Variants in DAZAP1 observed in about 807,000 individuals in gnomAD.
DAZAP1 encodes the protein DAZ associated protein 1.
DAZAP1 carries 6 observed loss-of-function variants against 60.1 expected under a neutral mutation model. That is an observed-to-expected ratio of 0.10 (90% CI 0.05 to 0.20). DAZAP1 has a LOEUF of 0.20. DAZAP1 is among the 10% of genes least tolerant of loss of function. DAZAP1 has a pLI of 1.00. For synonymous variants in DAZAP1, 235 were observed against 215.9 expected, an observed-to-expected ratio of 1.09 and a Z score of -0.78; for missense variants, 366 against 560.4, an observed-to-expected ratio of 0.65 and a Z score of 3.50.
chr19:1,420,603 GC>G (rs1273906780), intron 4 of DAZAP1, among the ~76,000 whole-genome samples: 2 of 152,148 alleles, frequency 1.3e-5, no homozygotes, highest in Non-Finnish European at 2.9e-5. Flanking sequence ...GAGCGCCGAG[GC>G]CCCGGGAAGT....
At chr19:1,417,262 G>A in intron 1 of DAZAP1, 2 of 572,578 alleles carry the variant, frequency 3.5e-6, no homozygotes, top group South Asian at 4.3e-5. Flanking sequence ...AGGTCAGCGT[G>A]CGGCTCTGTG....
chr19:1,414,168 C>T (rs1050421780), intron 1 of DAZAP1, among the ~76,000 whole-genome samples: 1 of 151,998 alleles, frequency 6.6e-6, no homozygotes, highest in Non-Finnish European at 1.5e-5. Flanking sequence ...CAGGTGCGCA[C>T]CACCGAGCCC....
rs777205383 is a variant in DAZAP1 at position 1,423,831 on chromosome 19, G to C, written c.463+1435G>C. ...CCCAGAGCTGGCGCCCCTTCTCCTCGCGTCCTGTCCTGTCCCGTGTGGACG... is the reference window on the plus strand; with the variant it reads ...CCCAGAGCTGGCGCCCCTTCTCCTCCCGTCCTGTCCTGTCCCGTGTGGACG... On this transcript the variant is annotated intron_variant, in intron 6 of 11. Transcript: ENST00000233078. This position sits in a 1 kb window ranked among gnomAD's most constrained non-coding sequence, Gnocchi z 6.8. 6.6e-6 allele frequency among the ~76,000 whole-genome samples: 1 copy of C among 152,088 alleles called. No individual in the cohort carries two copies. The highest frequency in any genetic ancestry group is 1.5e-5 in the Non-Finnish European group (1 of 67,992).
In DAZAP1 at chr19:1,430,266, C is replaced by T. The variant is rs1354172330; in HGVS notation, c.775C>T (p.Pro259Ser). The T allele has an allele frequency of 1.5e-6, 2 of 1,314,022 alleles. No homozygotes were observed. The highest frequency in any genetic ancestry group is 2.1e-6 in the Non-Finnish European group (2 of 934,722). 81.4% of individuals were successfully genotyped at this position (1,314,022 alleles called of 1,614,324 possible). The change falls in exon 10 of 12, where the codon CCC becomes TCC. Residue 259 changes from proline to serine, a missense_variant. Transcript: ENST00000233078. ...PPAGRGAPPP[P>S]PPFTSYIVST... ...TGCAGGAAGAGGAGCCCCCCCGCCA[C>T]CCCCACCGTTCACCTCCTACATCGT...
Position 1,435,018 on chromosome 19 carries a change from G to T in DAZAP1, c.*106G>T, listed in dbSNP as rs112435489. On this transcript the variant is annotated 3_prime_UTR_variant, in exon 12 of 12. Transcript: ENST00000233078. The stretch of plus-strand genomic sequence containing the variant: ...AAAGTGGCGACTCAACCTTGGGGGG[G>T]GGGGCGGGGGGAGGGCGCGAGGCTT... 1.5e-4 allele frequency: 29 copies of T among 198,598 alleles called. 1 individual carries two copies. In the East Asian group the frequency reaches 4.7e-3, roughly 32 times the overall value. The allele number at this position is 198,598 out of a possible 1,614,324, so 12.3% of individuals were successfully genotyped here. A position where few individuals can be genotyped will look rare whatever the true frequency, so the allele number is the denominator to read the frequency against.
In DAZAP1 at chr19:1,434,788, G is replaced by A; in HGVS notation, c.1100G>A (p.Ser367Asn). Residue 367 changes from serine to asparagine, a missense_variant, in exon 12 of 12, where the codon AGC becomes AAC. Transcript: ENST00000233078. This position sits in a 1 kb window ranked among gnomAD's most constrained non-coding sequence, Gnocchi z 8.0. The part of the protein sequence containing the change: ...SGFGQGFSDP[S>N]QQPPSYGGPS... ...TTCGGACAGGGCTTCTCAGACCCCA[G>A]CCAGCAGCCTCCTTCCTACGGGGGT... 5 of 1,612,884 alleles carry A rather than the reference G, an allele frequency of 3.1e-6. No individual in the cohort carries two copies. Among genetic ancestry groups the A allele is most frequent in the Non-Finnish European group, 4.2e-6 (5 of 1,179,484 alleles).
chr19:1,421,512 C>T (rs547017119), intron 5 of DAZAP1, among the ~76,000 whole-genome samples: 30 of 152,378 alleles, frequency 2.0e-4, no homozygotes, highest in African/African-American at 6.5e-4. Context: ...GGCGGCCGCC[C>T]GATTCCATTG....
Position 1,434,709 on chromosome 19 carries a change from C to T in DAZAP1, c.1049-28C>T, listed in dbSNP as rs769003212. ...GCAGTGCCAACCGCCCAGGGACCGC[C>T]CCGAGCTCACAGGACTTTCTCCCCC... On this transcript the variant is annotated intron_variant, in intron 11 of 11. Coordinates refer to ENST00000233078, the MANE Select transcript of DAZAP1 (RefSeq NM_018959.4). This position sits in a 1 kb window ranked among gnomAD's most constrained non-coding sequence, Gnocchi z 8.0. 6.2e-7 allele frequency: 1 copy of T among 1,607,910 alleles called. No homozygotes were observed. The highest frequency in any genetic ancestry group is 8.5e-7 in the Non-Finnish European group (1 of 1,177,876).
intron 1 of DAZAP1, among the ~76,000 whole-genome samples, chr19:1,408,598 C>A (rs1002194777): frequency 6.7e-6 from 1 of 148,174 alleles, no homozygotes; most frequent in Non-Finnish European, 1.5e-5. Context: ...GGGCTCGGGT[C>A]AGCCGGGGCC....
chr19:1,433,590 G>T lies in DAZAP1; in HGVS notation c.1048+900G>T. 1 of 635,704 alleles carries T rather than the reference G, an allele frequency of 1.6e-6. No individual in the cohort carries two copies. The allele number at this position is 635,704 out of a possible 1,614,324, so 39.4% of individuals were successfully genotyped here. ...GCCTTGGGCCGAGGTTGCCGCATGT[G>T]TGGGTTCTTGACCCACTCACCACCA... On this transcript the variant is annotated intron_variant, in intron 11 of 11. Transcript: ENST00000233078. This position sits in a 1 kb window ranked among gnomAD's most constrained non-coding sequence, Gnocchi z 6.1.
chr19:1,408,608 C>G (rs1487948666), intron 1 of DAZAP1, among the ~76,000 whole-genome samples: 2 of 152,158 alleles, frequency 1.3e-5, no homozygotes, highest in African/African-American at 4.8e-5. Flanking sequence ...CAGCCGGGGC[C>G]TGCTGTGTTT....
chr19:1,408,085 G>A (rs538952563), intron 1 of DAZAP1, among the ~76,000 whole-genome samples: 2 of 151,772 alleles, frequency 1.3e-5, no homozygotes, highest in African/African-American at 4.8e-5. Context: ...GCCGCCTCCA[G>A]ACTTCCTGGT....
chr19:1,432,989 T>C lies in DAZAP1; in HGVS notation c.1048+299T>C. 1 of 391,438 alleles carries C rather than the reference T, an allele frequency of 2.6e-6. No individual in the cohort carries two copies. Among genetic ancestry groups the C allele is most frequent in the Non-Finnish European group, 4.6e-6 (1 of 215,168 alleles). 24.2% of individuals were successfully genotyped at this position (391,438 alleles called of 1,614,324 possible). On this transcript the variant is annotated intron_variant, in intron 11 of 11. Transcript: ENST00000233078. The surrounding 1 kb of genome is among the most constrained non-coding windows in gnomAD (Gnocchi z 4.9). ...TCGAGGGAAGTGAGTCGCAGGCAGCTGTGATCACTGTCTAGAGGTTCAGGC... is the reference window on the plus strand; with the variant it reads ...TCGAGGGAAGTGAGTCGCAGGCAGCCGTGATCACTGTCTAGAGGTTCAGGC...
At chr19:1,414,695 C>T (rs2082923325) in intron 1 of DAZAP1, among the ~76,000 whole-genome samples, 1 of 151,648 alleles carries the variant, frequency 6.6e-6, no homozygotes, top group African/African-American at 2.4e-5. Flanking sequence ...GAGATCGCGC[C>T]ACTACACTCC....
At chr19:1,431,027 G>A (rs1230959821) in intron 10 of DAZAP1, among the ~76,000 whole-genome samples, 1 of 151,548 alleles carries the variant, frequency 6.6e-6, no homozygotes, top group Non-Finnish European at 1.5e-5. Flanking sequence ...AGCCTCACAG[G>A]CTCTAATTCT....
chr19:1,413,664 C>T (rs1343778337), intron 1 of DAZAP1, among the ~76,000 whole-genome samples: 2 of 152,214 alleles, frequency 1.3e-5, no homozygotes, highest in African/African-American at 2.4e-5. Flanking sequence ...TGGCCGCGCG[C>T]GGTGCCTCAC....
chr19:1,429,963 C>T lies in DAZAP1; in HGVS notation c.701-4C>T, dbSNP rs542579129. 8.3e-6 allele frequency: 13 copies of T among 1,566,850 alleles called. No homozygotes were observed. The highest frequency in any genetic ancestry group is 7.0e-5 in the South Asian group (6 of 85,366). ...CCAACCTCCTCTTCTGTTCTCTTATCTAGGAATGTGGGTGCCGGCAGGACA... is the reference window on the plus strand; with the variant it reads ...CCAACCTCCTCTTCTGTTCTCTTATTTAGGAATGTGGGTGCCGGCAGGACA... On this transcript the variant is annotated splice_region_variant and splice_polypyrimidine_tract_variant and intron_variant, in intron 8 of 11. Coordinates refer to ENST00000233078, the MANE Select transcript of DAZAP1 (RefSeq NM_018959.4).
chr19:1,424,735 C>T (rs952065194), intron 6 of DAZAP1, among the ~76,000 whole-genome samples: 3 of 152,188 alleles, frequency 2.0e-5, no homozygotes, highest in African/African-American at 4.8e-5. Context: ...GTGCCTCTGG[C>T]GCGGGCAGCC....
Position 1,418,745 on chromosome 19 carries a change from C to T in DAZAP1, c.303+14C>T. 6.3e-7 allele frequency: 1 copy of T among 1,597,518 alleles called. No homozygotes were observed. The highest frequency in any genetic ancestry group is 8.5e-7 in the Non-Finnish European group (1 of 1,171,770). On this transcript the variant is annotated intron_variant, in intron 4 of 11. Transcript: ENST00000233078. The surrounding 1 kb of genome is among the most constrained non-coding windows in gnomAD (Gnocchi z 5.7). Reference sequence around the variant, plus strand: ...AAGGAAGGATGGGTAAGGGGCTGGGCCGGGCGGCCTCCTTGTGTGTTCTCC... The same window carrying T: ...AAGGAAGGATGGGTAAGGGGCTGGGTCGGGCGGCCTCCTTGTGTGTTCTCC...
Sources: allele counts gnomAD v4.1 joint callset (sites outside exome capture counted in the v4.1 genomes callset), GRCh38; gene constraint gnomAD v4.1.1; non-coding constraint Gnocchi (gnomAD v3.1); transcripts MANE v1.5; gene names NCBI Gene and HGNC (gene_info 2026-07-23, HGNC 2026-07-21).